The following CD58 variants were observed in gnomAD, a reference collection of about 807,000 sequenced individuals.
CD58 encodes lymphocyte function-associated antigen 3.
CD58 carries 14 observed loss-of-function variants against 27.6 expected under a neutral mutation model. The ratio of observed to expected loss-of-function variants is 0.51; its 90% CI spans 0.34 to 0.79. The LOEUF is 0.79. CD58 is among the 30% of genes least tolerant of loss of function. The pLI is 0.02. For synonymous variants in CD58, 117 were observed against 103.8 expected (o/e 1.13, Z -0.77); for missense variants, 268 against 301.7 (o/e 0.89, Z 0.83).
rs1657900564 is a variant in CD58, at chr1:116,538,853, G to C, written c.365-2625C>G. 6.6e-6 allele frequency among the ~76,000 whole-genome samples: 1 copy of C among 152,210 alleles called. No homozygotes were observed. Among genetic ancestry groups the C allele is most frequent in the Admixed American group, 6.5e-5 (1 of 15,282 alleles). ...GGACAGATGGGGAGACAGATGGATAGAAGGATAGATTCAGAGAGACAGTCT... is the reference window on the plus strand; with the variant it reads ...GGACAGATGGGGAGACAGATGGATACAAGGATAGATTCAGAGAGACAGTCT... On this transcript the variant is annotated intron_variant, in intron 2 of 5. Transcript: ENST00000369489. This position sits in a 1 kb window ranked among gnomAD's most constrained non-coding sequence, Gnocchi z 4.7.
At chr1:116,556,609 C>T (rs189671215) in intron 1 of CD58, among the ~76,000 whole-genome samples, 4 of 152,298 alleles carry the variant, frequency 2.6e-5, no homozygotes, top group Non-Finnish European at 5.9e-5. Flanking sequence ...GTTTCCAAAT[C>T]ATCGAATGCT....
chr1:116,540,604 T>TCCCCCCC (rs1352354324), intron 2 of CD58, among the ~76,000 whole-genome samples: 2 of 152,052 alleles, frequency 1.3e-5, no homozygotes, highest in Admixed American at 6.6e-5. Context: ...ACACAATGGC[T>TCCCCCCC]CCCCACTGCT....
intron 1 of CD58, among the ~76,000 whole-genome samples, chr1:116,545,614 G>C (rs1040245899): frequency 3.9e-5 from 6 of 152,250 alleles, no homozygotes; most frequent in Non-Finnish European, 8.8e-5. Context: ...GAAGCAAGTC[G>C]AGGGTGTGAT....
At chr1:116,535,326 G>A (rs1015952234) in intron 3 of CD58, among the ~76,000 whole-genome samples, 3 of 152,164 alleles carry the variant, frequency 2.0e-5, no homozygotes, top group Non-Finnish European at 4.4e-5. Context: ...CTCAAAGCCA[G>A]GTTCTGCCAC....
In CD58 at chr1:116,557,190, G is replaced by A. The variant is rs904069694; in HGVS notation, c.71-12586C>T. On this transcript the variant is annotated intron_variant, in intron 1 of 5. Transcript: ENST00000369489. The surrounding 1 kb of genome is among the most constrained non-coding windows in gnomAD (Gnocchi z 5.2). The stretch of plus-strand genomic sequence containing the variant: ...AAAGATAAGGCTTCCTGACAGAATA[G>A]CAAAATTTGACAGTCACCCCAAACC... 1.3e-5 allele frequency among the ~76,000 whole-genome samples: 2 copies of A among 152,186 alleles called. No homozygotes were observed. The highest frequency in any genetic ancestry group is 4.8e-5 in the African/African-American group (2 of 41,444).
chr1:116,555,535 G>T (rs1285996208), intron 1 of CD58, among the ~76,000 whole-genome samples: 1 of 152,112 alleles, frequency 6.6e-6, no homozygotes, highest in Admixed American at 6.5e-5. Context: ...GATAATTTTT[G>T]AAGGTTTTTT....
intron 1 of CD58, among the ~76,000 whole-genome samples, chr1:116,560,393 A>G (rs1658717163): frequency 6.6e-6 from 1 of 152,174 alleles, no homozygotes; most frequent in African/African-American, 2.4e-5. Flanking sequence ...AGTCTGATTC[A>G]AGGTATTTCA....
chr1:116,555,876 G>A (rs1050606782), intron 1 of CD58, among the ~76,000 whole-genome samples: 1 of 152,174 alleles, frequency 6.6e-6, no homozygotes, highest in African/African-American at 2.4e-5. Context: ...CTGAGATTCA[G>A]ATTGACTGGT....
Position 116,541,903 on chromosome 1 carries a change from G to A in CD58, c.364+2408C>T, listed in dbSNP as rs936091598. Among the ~76,000 whole-genome samples the A allele has an allele frequency of 6.6e-6, 1 of 152,226 alleles. No individual in the cohort carries two copies. Among genetic ancestry groups the A allele is most frequent in the Non-Finnish European group, 1.5e-5 (1 of 68,042 alleles). The stretch of plus-strand genomic sequence containing the variant: ...AAAAGGAAAGAGACCTAAGGCTTAA[G>A]CCTTGATGTTTCCAGTGTTAAGAGG... On this transcript the variant is annotated intron_variant, in intron 2 of 5. Coordinates refer to ENST00000369489, the MANE Select transcript of CD58 (RefSeq NM_001779.3). This position sits in a 1 kb window ranked among gnomAD's most constrained non-coding sequence, Gnocchi z 5.3.
At chr1:116,539,344 GGAGCTGGAA>G (rs2101182065) in intron 2 of CD58, among the ~76,000 whole-genome samples, 1 of 152,242 alleles carries the variant, frequency 6.6e-6, no homozygotes, top group East Asian at 1.9e-4. Flanking sequence ...AGTCCTTTTA[GGAGCTGGAA>G]GAGTTTTAAG....
intron 5 of CD58, 129 bp from the exon 6 acceptor site, chr1:116,514,951 G>A (rs1370502183): frequency 9.6e-6 from 6 of 623,174 alleles, no homozygotes; most frequent in Non-Finnish European, 1.7e-5. Flanking sequence ...AGCCAAGGGA[G>A]CTAGGGAGCA....
At chr1:116,518,227 C>T (rs1657149332) in intron 5 of CD58, among the ~76,000 whole-genome samples, 1 of 152,110 alleles carries the variant, frequency 6.6e-6, no homozygotes, top group South Asian at 2.1e-4. Flanking sequence ...TCAGAGCCTA[C>T]ACTGCCAGAT....
chr1:116,563,748 C>T lies in CD58; in HGVS notation c.70+7155G>A, dbSNP rs1658837329. On this transcript the variant is annotated intron_variant, in intron 1 of 5. Transcript: ENST00000369489. This position sits in a 1 kb window ranked among gnomAD's most constrained non-coding sequence, Gnocchi z 4.1. The stretch of plus-strand genomic sequence containing the variant: ...CTCCATGTTTGGAGGCTGCAAAGAG[C>T]AGGGGGGCCCTGGGTCCAGCCCATG... 6.6e-6 allele frequency among the ~76,000 whole-genome samples: 1 copy of T among 152,196 alleles called. No individual in the cohort carries two copies. The highest frequency in any genetic ancestry group is 6.5e-5 in the Admixed American group (1 of 15,286).
rs1034919 is a variant in CD58, at chr1:116,532,883, G to A, written c.628+3082C>T. Reference sequence around the variant, plus strand: ...CATGCGGCAAAGACTGAGGCCTCCCGCTACAGGCCCGGAGTCGCGACAGCC... The same window carrying A: ...CATGCGGCAAAGACTGAGGCCTCCCACTACAGGCCCGGAGTCGCGACAGCC... On this transcript the variant is annotated intron_variant, in intron 3 of 5. Coordinates refer to ENST00000369489, the MANE Select transcript of CD58 (RefSeq NM_001779.3). This position sits in a 1 kb window ranked among gnomAD's most constrained non-coding sequence, Gnocchi z 5.1. The A allele has an allele frequency of 4.0e-6, 3 of 746,112 alleles. No homozygotes were observed. The highest frequency in any genetic ancestry group is 2.1e-5 in the Admixed American group (1 of 46,870). The allele number at this position is 746,112 out of a possible 1,614,324, so 46.2% of individuals were successfully genotyped here.
Position 116,519,990 on chromosome 1 carries a change from C to A in CD58, c.707-723G>T, listed in dbSNP as rs187667707. Among the ~76,000 whole-genome samples, 78 of 152,350 alleles carry A rather than the reference C, an allele frequency of 5.1e-4. No homozygotes were observed. Among genetic ancestry groups the A allele is most frequent in the African/African-American group, 1.8e-3 (74 of 41,584 alleles). Reference sequence around the variant, plus strand: ...GGTTGACTAGAGCTTATAAAGTTGTCTGTCAACTACAACTAGGCAGCTGGA... The same window carrying A: ...GGTTGACTAGAGCTTATAAAGTTGTATGTCAACTACAACTAGGCAGCTGGA... On this transcript the variant is annotated intron_variant, in intron 4 of 5. Transcript: ENST00000369489. The surrounding 1 kb of genome is among the most constrained non-coding windows in gnomAD (Gnocchi z 4.7).
chr1:116,544,336 G>A lies in CD58; in HGVS notation c.339C>T (p.Thr113=). The A allele has an allele frequency of 6.2e-7, 1 of 1,605,814 alleles. No individual in the cohort carries two copies. Among genetic ancestry groups the A allele is most frequent in the Non-Finnish European group, 8.5e-7 (1 of 1,177,234 alleles). ...YEMESPNITD[T]MKFFLYVLES... is the part of the protein sequence containing the mutation. The stretch of plus-strand genomic sequence containing the variant: ...CAAGCACATAAAGAAAGAACTTCAT[G>A]GTATCAGTAATATTTGGCGATTCCA... The change falls in exon 2 of 6, where the codon ACC becomes ACT. Residue 113 remains threonine (T), a synonymous_variant. Transcript: ENST00000369489.
At chr1:116,530,069 T>G (rs1657548967) in intron 3 of CD58, among the ~76,000 whole-genome samples, 2 of 152,292 alleles carry the variant, frequency 1.3e-5, no homozygotes, top group Non-Finnish European at 2.9e-5. Context: ...AAAATTTGAT[T>G]TATTTTGAAA....
Position 116,570,458 on chromosome 1 carries a change from G to A in CD58, c.70+445C>T, listed in dbSNP as rs1452228381. 2.0e-5 allele frequency among the ~76,000 whole-genome samples: 3 copies of A among 152,024 alleles called. No homozygotes were observed. The highest frequency in any genetic ancestry group is 7.2e-5 in the African/African-American group (3 of 41,422). ...CGCGCGGGCGGGGACGGCACCGCGC[G>A]GGGAGGGCAGCAGGCGTCGCCCTCG... On this transcript the variant is annotated intron_variant, in intron 1 of 5. Transcript: ENST00000369489. The surrounding 1 kb of genome is among the most constrained non-coding windows in gnomAD (Gnocchi z 6.4).
In CD58 at chr1:116,536,078, C is replaced by T. The variant is rs1657795930; in HGVS notation, c.515G>A (p.Ser172Asn). ...PMEQCKRNST[S>N]IYFKMENDLP... Reference sequence around the variant, plus strand: ...ATCATTTTCCATCTTAAAATATATACTGGTTGAGTTACGTTTACATTGCTC... The same window carrying T: ...ATCATTTTCCATCTTAAAATATATATTGGTTGAGTTACGTTTACATTGCTC... Residue 172 changes from serine to asparagine, a missense_variant, in exon 3 of 6, where the codon AGT (serine) becomes AAT (asparagine). Physicochemically the swap from Ser to Asn is conservative, Grantham distance 46 (BLOSUM62 1). Transcript: ENST00000369489. The surrounding 1 kb of genome is among the most constrained non-coding windows in gnomAD (Gnocchi z 5.4). 1 of 1,613,536 alleles carries T rather than the reference C, an allele frequency of 6.2e-7. No homozygotes were observed. Among genetic ancestry groups the T allele is most frequent in the Admixed American group, 1.7e-5 (1 of 59,988 alleles).
Sources: allele counts gnomAD v4.1 joint callset (sites outside exome capture counted in the v4.1 genomes callset), GRCh38; gene constraint gnomAD v4.1.1; non-coding constraint Gnocchi (gnomAD v3.1); transcripts MANE v1.5; gene names NCBI Gene and HGNC (gene_info 2026-07-23, HGNC 2026-07-21).